Variants in TASP1 observed in about 807,000 individuals in gnomAD.
TASP1 encodes the protein threonine aspartase 1.
In TASP1, 16 loss-of-function variants were observed where a neutral mutation model predicts 56.6. That is an observed-to-expected ratio of 0.28 (90% CI 0.19 to 0.43). TASP1 has a LOEUF of 0.43. TASP1 is among the 20% of genes least tolerant of loss of function. The probability of loss-of-function intolerance (pLI) is 1.00; values close to 1 mark genes in which losing one functional copy is unlikely to be tolerated. For missense variants in TASP1, 393 were observed against 511.6 expected, an observed-to-expected ratio of 0.77 and a Z score of 2.24; for synonymous variants, 179 against 184.2, an observed-to-expected ratio of 0.97 and a Z score of 0.23.
intron 4 of TASP1, among the ~76,000 whole-genome samples, chr20:13,617,558 T>C (rs910715961): frequency 1.3e-5 from 2 of 152,096 alleles, no homozygotes; most frequent in Non-Finnish European, 2.9e-5. Context: ...TCAGCTCTAC[T>C]GGGGGGCAGG....
At chr20:13,313,378 G>C in the TASP1 span, among the ~76,000 whole-genome samples, 9 of 152,332 alleles carry the variant, frequency 5.9e-5, no homozygotes, top group South Asian at 1.9e-3. Context: ...TTACTCTTGT[G>C]TCAATCACAG....
At chr20:13,298,762 G>T in the TASP1 span, among the ~76,000 whole-genome samples, 1 of 152,134 alleles carries the variant, frequency 6.6e-6, no homozygotes, top group East Asian at 1.9e-4. Flanking sequence ...ACTTCTGATG[G>T]TGCCAGGGGG....
chr20:13,406,868 A>G (rs1448735130), intron 13 of TASP1, among the ~76,000 whole-genome samples: 2 of 151,872 alleles, frequency 1.3e-5, no homozygotes, highest in Admixed American at 6.6e-5. Context: ...GGGTTTCACT[A>G]TGTTAGCCAG....
chr20:13,138,491 C>T, the TASP1 span, among the ~76,000 whole-genome samples: 2 of 152,170 alleles, frequency 1.3e-5, no homozygotes, highest in Admixed American at 6.5e-5. Flanking sequence ...CACCCCTAAC[C>T]CAGCCCTCCA....
At chr20:13,444,668 T>G (rs1218372881) in intron 11 of TASP1, among the ~76,000 whole-genome samples, 1 of 152,210 alleles carries the variant, frequency 6.6e-6, no homozygotes, top group East Asian at 1.9e-4. Context: ...TCCTATAAGA[T>G]GTATATTAAG....
At chr20:13,459,832 A>G (rs1172498024) in intron 11 of TASP1, among the ~76,000 whole-genome samples, 10 of 152,086 alleles carry the variant, frequency 6.6e-5, no homozygotes. Context: ...GACTAGGTCT[A>G]CTGCTTCTTG....
At chr20:13,217,958 GGAAA>G in the TASP1 span, among the ~76,000 whole-genome samples, 1 of 152,108 alleles carries the variant, frequency 6.6e-6, no homozygotes, top group African/African-American at 2.4e-5. Flanking sequence ...CATGTAGAAA[GGAAA>G]GAGAGGGCTG....
intron 10 of TASP1, among the ~76,000 whole-genome samples, chr20:13,501,442 A>G (rs180982581): frequency 5.9e-5 from 9 of 152,168 alleles, no homozygotes; most frequent in Admixed American, 5.2e-4. Context: ...AAGGATGGGA[A>G]AGAAATAATG....
the TASP1 span, among the ~76,000 whole-genome samples, chr20:13,239,903 C>T: frequency 1.3e-5 from 2 of 152,222 alleles, no homozygotes; most frequent in Non-Finnish European, 2.9e-5. Context: ...CATTTCTGAA[C>T]ATCTGTAAAA....
rs763289000 is a variant in TASP1, at chr20:13,529,012, G to A, written c.796-501C>T. Among the ~76,000 whole-genome samples the A allele has an allele frequency of 1.9e-3, 288 of 152,248 alleles. 4 individuals carry two copies. Among genetic ancestry groups the A allele is most frequent in the Admixed American group, 3.3e-4 (5 of 15,276 alleles). On this transcript the variant is annotated intron_variant, in intron 9 of 13. Coordinates refer to ENST00000337743, the MANE Select transcript of TASP1 (RefSeq NM_017714.3). ...GTACTGGGATGCAGCTGGTCCTCCTGCCATGCTCCAGGAAACCCTGCTTCA... is the reference window on the plus strand; with the variant it reads ...GTACTGGGATGCAGCTGGTCCTCCTACCATGCTCCAGGAAACCCTGCTTCA...
chr20:13,465,962 G>C (rs913603355), intron 11 of TASP1, among the ~76,000 whole-genome samples: 2 of 152,050 alleles, frequency 1.3e-5, no homozygotes, highest in Non-Finnish European at 2.9e-5. Context: ...TGATAAAACT[G>C]CATAGAACTA....
the TASP1 span, among the ~76,000 whole-genome samples, chr20:13,208,195 C>T: frequency 3.9e-5 from 6 of 152,154 alleles, no homozygotes; most frequent in Non-Finnish European, 7.4e-5. Context: ...AAACAACTTC[C>T]TTATGGGCTC....
rs546525349 is a variant in TASP1, at chr20:13,419,613, T to C, written c.1097-2092A>G. Among the ~76,000 whole-genome samples, 4 of 152,166 alleles carry C rather than the reference T, an allele frequency of 2.6e-5. No individual in the cohort carries two copies. The South Asian group carries it at 6.2e-4, about 24-fold the overall frequency. ...CTGCATTGCTCAACACTAAACCCTG[T>C]CCCCCAGGCCATCCATCTGTTTATA... is the stretch of plus-strand genomic sequence containing the variant. On this transcript the variant is annotated intron_variant, in intron 12 of 13. Coordinates refer to ENST00000337743, the MANE Select transcript of TASP1 (RefSeq NM_017714.3).
intron 4 of TASP1, among the ~76,000 whole-genome samples, chr20:13,591,042 C>A (rs2047513245): frequency 6.9e-6 from 1 of 145,532 alleles, no homozygotes; most frequent in Non-Finnish European, 1.5e-5. Context: ...GAAAAAAATA[C>A]TAAGAAAAGG....
At chr20:13,616,948 T>C (rs2048544683) in intron 4 of TASP1, 1 of 406,322 alleles carries the variant, frequency 2.5e-6, no homozygotes, top group African/African-American at 2.1e-5. Flanking sequence ...ATCAATGCTC[T>C]AGCAGCAGAA....
intron 11 of TASP1, among the ~76,000 whole-genome samples, chr20:13,460,686 G>A (rs371517394): frequency 5.9e-5 from 9 of 152,078 alleles, no homozygotes; most frequent in African/African-American, 1.2e-4. Flanking sequence ...TCAAGTCATC[G>A]TGACTCTTCT....
the TASP1 span, among the ~76,000 whole-genome samples, chr20:13,245,847 C>T: frequency 1.3e-5 from 2 of 152,222 alleles, no homozygotes; most frequent in Non-Finnish European, 2.9e-5. Flanking sequence ...AACTGACCCA[C>T]CTTTCCTGCT....
the TASP1 span, among the ~76,000 whole-genome samples, chr20:13,177,748 T>TA: frequency 6.6e-6 from 1 of 152,100 alleles, no homozygotes; most frequent in African/African-American, 2.4e-5. Context: ...TCTCATTGTA[T>TA]AAAAAAATCA....
the TASP1 span, among the ~76,000 whole-genome samples, chr20:13,161,155 T>C: frequency 6.6e-6 from 1 of 152,116 alleles, no homozygotes; most frequent in South Asian, 2.1e-4. Flanking sequence ...TGACAAATGA[T>C]TGGATGTGGT....
Sources: gnomAD v4.1 joint callset for allele counts (sites outside exome capture counted in the v4.1 genomes callset) on GRCh38, gnomAD v4.1.1 for gene constraint, MANE v1.5 for transcripts, NCBI Gene and HGNC (gene_info 2026-07-23, HGNC 2026-07-21) for gene names.